Variants in SLC25A30 observed in about 807,000 individuals in gnomAD.
SLC25A30 encodes kidney mitochondrial carrier protein 1.
Under a neutral mutation model 42.7 loss-of-function variants are expected in SLC25A30, and 29 were observed. The observed-to-expected ratio is 0.68, with a 90% CI of 0.51 to 0.93. The LOEUF (loss-of-function observed/expected upper bound fraction) is 0.93. SLC25A30 is among the 40% of genes least tolerant of loss of function. The probability of loss-of-function intolerance (pLI) is 0.00; values close to 1 mark genes in which losing one functional copy is unlikely to be tolerated. For synonymous variants in SLC25A30, 124 were observed against 131.0 expected (o/e 0.95, Z 0.37); for missense variants, 300 against 359.7 (o/e 0.83, Z 1.34).
the SLC25A30 span, among the ~76,000 whole-genome samples, chr13:45,424,836 A>G: frequency 1.7e-4 from 9 of 53,870 alleles, 1 homozygote; most frequent in East Asian, 4.1e-3. Flanking sequence ...AAATATATAT[A>G]TAAAAATATA....
At chr13:45,428,245 C>T in the SLC25A30 span, among the ~76,000 whole-genome samples, 1 of 150,404 alleles carries the variant, frequency 6.6e-6, no homozygotes, top group African/African-American at 2.4e-5. Flanking sequence ...CAGAGTCTCA[C>T]TCTGTCGCCC....
chr13:45,424,875 A>T, the SLC25A30 span, among the ~76,000 whole-genome samples: 5 of 46,968 alleles, frequency 1.1e-4, no homozygotes, highest in African/African-American at 2.3e-4. Context: ...AATATATATA[A>T]ATATATAAAT....
upstream of SLC25A30, among the ~76,000 whole-genome samples, chr13:45,422,964 G>A (rs1241475771): frequency 6.6e-6 from 1 of 152,068 alleles, no homozygotes; most frequent in Non-Finnish European, 1.5e-5. Context: ...ATGGGTGCCT[G>A]CCCTCTTTGT....
rs1481405565 is a variant in SLC25A30, at chr13:45,397,989, C to CA, written c.754-652dup. ...AAAGAAGCAATAGTGGTAGAGATAT[C>CA]ATTCAGAGTACCACTATTTCCCAAG... On this transcript the variant is annotated intron_variant, in intron 8 of 9. Coordinates refer to ENST00000519676, the MANE Select transcript of SLC25A30 (RefSeq NM_001010875.4). 5.1e-6 allele frequency: 5 copies of CA among 985,118 alleles called. No individual in the cohort carries two copies. In the African/African-American group the frequency reaches 8.7e-5, roughly 17 times the overall value. 61.0% of individuals were successfully genotyped at this position (985,118 alleles called of 1,614,324 possible).
rs144927807 is a variant in SLC25A30 at position 45,409,273 on chromosome 13, A to G, written c.65-199T>C. Among the ~76,000 whole-genome samples the G allele has an allele frequency of 1.4e-3, 211 of 152,276 alleles. 1 individual carries two copies. Among genetic ancestry groups the G allele is most frequent in the African/African-American group, 4.9e-3 (204 of 41,568 alleles). On this transcript the variant is annotated intron_variant, in intron 2 of 9. Transcript: ENST00000519676. ...AATAAAACCCAAAAAATGCATAGAT[A>G]TATTTTCCTTTCTTTATCTTTTTAT... is the stretch of plus-strand genomic sequence containing the variant.
At chr13:45,418,984 A>T (rs571140404), upstream of SLC25A30, among the ~76,000 whole-genome samples, 1 of 122,942 alleles carries the variant, frequency 8.1e-6, no homozygotes, top group South Asian at 2.7e-4. Context: ...AAAAAAAAAA[A>T]GCCAGACCTG....
chr13:45,417,278 T>A (rs1883616926), intron 1 of SLC25A30, among the ~76,000 whole-genome samples: 1 of 152,234 alleles, frequency 6.6e-6, no homozygotes, highest in Non-Finnish European at 1.5e-5. Flanking sequence ...CCCAAAGTGC[T>A]GGGATTACAG....
chr13:45,406,237 C>T (rs929721362), intron 3 of SLC25A30, among the ~76,000 whole-genome samples: 1 of 152,138 alleles, frequency 6.6e-6, no homozygotes, highest in Middle Eastern at 3.2e-3. Flanking sequence ...CACCCGCCAC[C>T]ACACCTGGCT....
intron 9 of SLC25A30, 164 bp from the exon 10 acceptor site, chr13:45,396,179 A>C: frequency 6.7e-7 from 1 of 1,498,002 alleles, no homozygotes; most frequent in Non-Finnish European, 8.9e-7. Context: ...ACATCAAACT[A>C]TCTTCCAAGG....
Position 45,411,392 on chromosome 13 carries a change from CGTA to C in SLC25A30, c.31_33del (p.Tyr11del). 6.2e-7 allele frequency: 1 copy of C among 1,614,134 alleles called. No homozygotes were observed. The highest frequency in any genetic ancestry group is 1.1e-5 in the South Asian group (1 of 91,088). ...TCAGCAGTGATGGAGGCCAGCCCCC[CGTA>C]CACAAACGGCTTCCAGTTGAGGGCT... is the stretch of plus-strand genomic sequence containing the variant. On this transcript the variant is annotated inframe_deletion, in exon 2 of 10. Transcript: ENST00000519676.
chr13:45,396,147 A>G, intron 9 of SLC25A30, 132 bp from the exon 10 acceptor site: 1 of 1,580,816 alleles, frequency 6.3e-7, no homozygotes, highest in Non-Finnish European at 8.6e-7. Flanking sequence ...ACGATTAAAT[A>G]AAAGGGGTTC....
At chr13:45,420,128 C>T (rs940713666), upstream of SLC25A30, 1 of 152,182 alleles carries the variant, frequency 6.6e-6, no homozygotes, top group African/African-American at 2.4e-5. Context: ...TCATTCAAGA[C>T]AAAGAAATGT....
chr13:45,433,329 G>T, the SLC25A30 span, among the ~76,000 whole-genome samples: 1 of 152,168 alleles, frequency 6.6e-6, no homozygotes, highest in Non-Finnish European at 1.5e-5. Context: ...TAAACAGGTG[G>T]CTCCCAGAGG....
chr13:45,425,626 ATAAG>A, the SLC25A30 span, among the ~76,000 whole-genome samples: 1,567 of 102,682 alleles, frequency 0.015, 149 homozygotes, highest in African/African-American at 0.045. Flanking sequence ...AAATATATAT[ATAAG>A]TATATATAAA....
chr13:45,401,161 T>C lies in SLC25A30; in HGVS notation c.536A>G (p.Glu179Gly), dbSNP rs755806637. ...CTTGGTGATGTCATAGACCGGCAGC[T>C]CCACACCAACAACAATAGCAGCCCT... ...AQRAAIVVGV[E>G]LPVYDITKKH... The change falls in exon 7 of 10, where the codon GAG becomes GGG. Residue 179 changes from glutamate (E) to glycine (G), a missense_variant. By Grantham distance (98) the Glu-to-Gly change is moderately conservative. Coordinates refer to ENST00000519676, the MANE Select transcript of SLC25A30 (RefSeq NM_001010875.4). 1.9e-6 allele frequency: 3 copies of C among 1,613,896 alleles called. No homozygotes were observed. The African/African-American group carries it at 4.0e-5, about 22-fold the overall frequency.
chr13:45,401,324 G>A, intron 6 of SLC25A30, 117 bp from the exon 7 acceptor site: 1 of 1,067,690 alleles, frequency 9.4e-7, no homozygotes, highest in Admixed American at 2.5e-5. Context: ...TTTCCTCTGG[G>A]GAGGCAGAAA....
chr13:45,404,482 T>A, intron 4 of SLC25A30, 70 bp from the exon 5 acceptor site: 1 of 1,076,078 alleles, frequency 9.3e-7, no homozygotes, highest in South Asian at 1.3e-5. Flanking sequence ...CAACTATAGG[T>A]CTAACTTATT....
chr13:45,432,090 T>C, the SLC25A30 span, among the ~76,000 whole-genome samples: 436 of 151,918 alleles, frequency 2.9e-3, 3 homozygotes, highest in Non-Finnish European at 5.0e-3. Context: ...GCTAACATAG[T>C]GAAACCCCGT....
the SLC25A30 span, among the ~76,000 whole-genome samples, chr13:45,431,255 T>C: frequency 1 from 52,236 of 52,254 alleles, 26,109 homozygotes; most frequent in Middle Eastern, 1. Flanking sequence ...CCATGTTGCC[T>C]AGGCTGGTCT....
Sources: gnomAD v4.1 joint callset for allele counts (sites outside exome capture counted in the v4.1 genomes callset) on GRCh38, gnomAD v4.1.1 for gene constraint, MANE v1.5 for transcripts, NCBI Gene and HGNC (gene_info 2026-07-23, HGNC 2026-07-21) for gene names.